The following ARL17A variants were observed in gnomAD, a reference collection of about 807,000 sequenced individuals.
ARL17A encodes ARF like GTPase 17A, also known as ADP-ribosylation factor-like 17-like.
the ARL17A span, among the ~76,000 whole-genome samples, chr17:46,501,212 G>A: frequency 2.0e-5 from 3 of 151,164 alleles, no homozygotes; most frequent in Non-Finnish European, 4.4e-5. Context: ...CGGAGTCTCT[G>A]TTGCCTAGGC....
the ARL17A span, among the ~76,000 whole-genome samples, chr17:46,500,589 A>G: frequency 6.6e-6 from 1 of 150,762 alleles, no homozygotes; most frequent in Non-Finnish European, 1.5e-5. Flanking sequence ...ATTGTGAGAA[A>G]CTGCAGATCC....
chr17:46,568,939 T>TC (rs927713651), intron 3 of ARL17A, among the ~76,000 whole-genome samples: 5 of 122,886 alleles, frequency 4.1e-5, no homozygotes, highest in African/African-American at 1.5e-4. Flanking sequence ...ACTTTTTTTT[T>TC]CTCTTTTTTT....
intron 3 of ARL17A, among the ~76,000 whole-genome samples, chr17:46,569,216 G>C (rs1300057090): frequency 6.6e-6 from 1 of 151,666 alleles, no homozygotes; most frequent in Non-Finnish European, 1.5e-5. Flanking sequence ...CCAAAGTGCT[G>C]GGATTACAGG....
At chr17:46,542,852 G>T (rs2055637683) in intron 3 of ARL17A, among the ~76,000 whole-genome samples, 1 of 150,572 alleles carries the variant, frequency 6.6e-6, no homozygotes, top group South Asian at 2.1e-4. Flanking sequence ...TGCTAGGGCT[G>T]GTTGAGGGCA....
At chr17:46,558,163 A>T (rs1293830285) in intron 3 of ARL17A, among the ~76,000 whole-genome samples, 8 of 116,932 alleles carry the variant, frequency 6.8e-5, no homozygotes, top group African/African-American at 2.9e-4. Context: ...GGGTTCAAGC[A>T]AGTCTCCTGC....
In ARL17A at chr17:46,558,714, C is replaced by T. The variant is rs1325880040; in HGVS notation, c.260-1084G>A. ...CCAGGAAATTCAGTTTCTGAAAATA[C>T]ACCTGTGGATCTCTAGCCTTGAACA... On this transcript the variant is annotated intron_variant, in intron 3 of 3. Transcript: ENST00000336125. The T allele has an allele frequency of 4.4e-5, 6 of 137,174 alleles. 1 individual carries two copies. The highest frequency in any genetic ancestry group is 1.7e-4 in the African/African-American group (6 of 35,784). 8.5% of individuals were successfully genotyped at this position (137,174 alleles called of 1,614,324 possible). A position where few individuals can be genotyped will look rare whatever the true frequency, so the allele number is the denominator to read the frequency against.
At chr17:46,542,547 C>T (rs2055560408) in intron 3 of ARL17A, among the ~76,000 whole-genome samples, 1 of 147,846 alleles carries the variant, frequency 6.8e-6, no homozygotes, top group Non-Finnish European at 1.5e-5. Flanking sequence ...ATATATAAAT[C>T]AGCCAGGTGT....
the ARL17A span, among the ~76,000 whole-genome samples, chr17:46,501,271 G>C: frequency 6.6e-6 from 1 of 151,042 alleles, no homozygotes; most frequent in Non-Finnish European, 1.5e-5. Flanking sequence ...CGCCTCCCGG[G>C]TTCACGCGAT....
chr17:46,500,491 G>T, the ARL17A span, among the ~76,000 whole-genome samples: 8 of 149,836 alleles, frequency 5.3e-5, no homozygotes, highest in Non-Finnish European at 8.8e-5. Context: ...TTTACCAGAT[G>T]ATTTTTGTGG....
chr17:46,525,354 G>A (rs2667832), downstream of ARL17A, among the ~76,000 whole-genome samples: 1 of 92,490 alleles, frequency 1.1e-5, no homozygotes, highest in Admixed American at 1.0e-4. Context: ...GCACTTTGCT[G>A]AGGTGGGTGG....
At chr17:46,528,714 G>T, downstream of ARL17A, 1 of 655,704 alleles carries the variant, frequency 1.5e-6, no homozygotes, top group East Asian at 2.8e-5. Flanking sequence ...AACAGAGTGA[G>T]ACTTCATCTC....
intron 4 of ARL17A, among the ~76,000 whole-genome samples, chr17:46,529,686 A>G (rs2053375509): frequency 1.4e-5 from 1 of 73,472 alleles, no homozygotes. Context: ...ATATAAATAA[A>G]TAAAAACACT....
At chr17:46,503,109 G>A in the ARL17A span, among the ~76,000 whole-genome samples, 1 of 150,034 alleles carries the variant, frequency 6.7e-6, no homozygotes, top group African/African-American at 2.5e-5. Context: ...CTACTCTGGA[G>A]GCTGAGGCAG....
intron 4 of ARL17A, among the ~76,000 whole-genome samples, chr17:46,533,027 C>T (rs942561105): frequency 8.3e-5 from 10 of 121,104 alleles, no homozygotes; most frequent in South Asian, 5.8e-4. Context: ...CACTTGAGCC[C>T]GGGAGATCGG....
At chr17:46,522,675 A>G (rs1380957651) in intron 3 of ARL17A, among the ~76,000 whole-genome samples, 1 of 51,052 alleles carries the variant, frequency 2.0e-5, no homozygotes, top group African/African-American at 9.2e-5. Flanking sequence ...CGATATCCTG[A>G]CCTCAGGATC....
rs1040031842 is a variant in ARL17A, at chr17:46,553,109, G to A, written c.*4247C>T. On this transcript the variant is annotated 3_prime_UTR_variant, in exon 4 of 4. Transcript: ENST00000336125. ...CGCTAAGTAAATAAAGTATAGGGGG[G>A]ATGCGTGTTGGTTATAAGCAAATAT... 2 of 388,630 alleles carry A rather than the reference G, an allele frequency of 5.1e-6. No individual in the cohort carries two copies. The highest frequency in any genetic ancestry group is 5.5e-5 in the African/African-American group (2 of 36,678). The allele number at this position is 388,630 out of a possible 1,614,324, so 24.1% of individuals were successfully genotyped here.
chr17:46,533,257 A>T (rs1276179925), intron 4 of ARL17A, among the ~76,000 whole-genome samples: 17 of 96,158 alleles, frequency 1.8e-4, no homozygotes, highest in South Asian at 3.6e-4. Context: ...ATCTCTAAAA[A>T]TTTTTTTTAG....
At chr17:46,568,495 T>TAAA (rs1160243125) in intron 3 of ARL17A, among the ~76,000 whole-genome samples, 5 of 103,444 alleles carry the variant, frequency 4.8e-5, no homozygotes, top group Non-Finnish European at 7.6e-5. Context: ...AATAAGCAGT[T>TAAA]AAAAAAAAAA....
chr17:46,502,452 C>G, the ARL17A span, among the ~76,000 whole-genome samples: 1 of 150,920 alleles, frequency 6.6e-6, no homozygotes, highest in Non-Finnish European at 1.5e-5. Flanking sequence ...TAGGTACCCA[C>G]CACCACGCCC....
Sources: gnomAD v4.1 joint callset for allele counts (sites outside exome capture counted in the v4.1 genomes callset) on GRCh38, gnomAD v4.1.1 for gene constraint, MANE v1.5 for transcripts, NCBI Gene and HGNC (gene_info 2026-07-23, HGNC 2026-07-21) for gene names.